COL28A1: variants seen among roughly 807,000 people sequenced by gnomAD.
COL28A1 encodes the protein collagen alpha-1(XXVIII) chain.
A neutral mutation model predicts 150.2 loss-of-function variants in COL28A1; 161 were observed. The observed-to-expected ratio is 1.07, with a 90% confidence interval of 0.94 to 1.22. The LOEUF (loss-of-function observed/expected upper bound fraction) is 1.22, where lower values mean the gene tolerates loss of function less well. COL28A1 is among the 50% of genes most tolerant of loss of function. The probability of loss-of-function intolerance (pLI) is 0.00; values close to 1 mark genes in which losing one functional copy is unlikely to be tolerated. For synonymous variants in COL28A1, 552 were observed against 469.7 expected (o/e 1.18, Z -2.26); for missense variants, 1,617 against 1,388.3 (o/e 1.16, Z -2.62).
At chr7:7,483,557 C>T (rs1034010361) in intron 13 of COL28A1, among the ~76,000 whole-genome samples, 3 of 152,084 alleles carry the variant, frequency 2.0e-5, no homozygotes, top group African/African-American at 4.8e-5. Context: ...ATCAAGGAAA[C>T]CCCTGGAGTA....
At chr7:7,446,918 G>T (rs1465952647) in intron 18 of COL28A1, among the ~76,000 whole-genome samples, 1 of 152,158 alleles carries the variant, frequency 6.6e-6, no homozygotes, top group Non-Finnish European at 1.5e-5. Context: ...TCCATCTTGA[G>T]TATTCAGCTG....
At chr7:7,341,437 C>A in the COL28A1 span, among the ~76,000 whole-genome samples, 1 of 151,934 alleles carries the variant, frequency 6.6e-6, no homozygotes, top group African/African-American at 2.4e-5. Context: ...CAAGGTCTTG[C>A]TCTGTTGCCC....
intron 18 of COL28A1, among the ~76,000 whole-genome samples, chr7:7,449,956 T>G (rs1360415297): frequency 6.6e-6 from 1 of 152,092 alleles, no homozygotes; most frequent in South Asian, 2.1e-4. Flanking sequence ...CCCTAAAACA[T>G]GTATCTTAGA....
intron 27 of COL28A1, among the ~76,000 whole-genome samples, chr7:7,404,760 T>C (rs1783402941): frequency 6.6e-6 from 1 of 152,204 alleles, no homozygotes. Flanking sequence ...ATTTATTATA[T>C]TTATTGCTAA....
At chr7:7,506,910 G>T (rs1045450822) in intron 10 of COL28A1, among the ~76,000 whole-genome samples, 1 of 152,162 alleles carries the variant, frequency 6.6e-6, no homozygotes, top group Non-Finnish European at 1.5e-5. Flanking sequence ...GGGAGTCTTA[G>T]TTAAGTTAAT....
rs561061103 is a variant in COL28A1, at chr7:7,492,000, T to C, written c.1027-1354A>G. 3.9e-5 allele frequency among the ~76,000 whole-genome samples: 6 copies of C among 152,272 alleles called. No individual in the cohort carries two copies. In the East Asian group the frequency reaches 9.7e-4, roughly 25 times the overall value. On this transcript the variant is annotated intron_variant, in intron 11 of 34. Coordinates refer to ENST00000399429, the MANE Select transcript of COL28A1 (RefSeq NM_001037763.3). ...TTTACATTCACACGTGTACCTTTAA[T>C]TTATGCTAAGGAAGATTGCTGAACA... is the stretch of plus-strand genomic sequence containing the variant.
chr7:7,426,097 G>A (rs1427245066), intron 25 of COL28A1, among the ~76,000 whole-genome samples: 1 of 151,986 alleles, frequency 6.6e-6, no homozygotes, highest in Non-Finnish European at 1.5e-5. Context: ...TCTACTTTGG[G>A]GACAATAAAA....
chr7:7,542,413 T>C, the COL28A1 span, among the ~76,000 whole-genome samples: 4 of 152,258 alleles, frequency 2.6e-5, no homozygotes, highest in East Asian at 7.7e-4. Flanking sequence ...AATATGTTCA[T>C]TGTAAATACA....
At chr7:7,511,581 T>C (rs1475109082) in intron 8 of COL28A1, 1 of 318,462 alleles carries the variant, frequency 3.1e-6, no homozygotes, top group African/African-American at 2.2e-5. Context: ...AGAATCAGAG[T>C]CTGAACCCAG....
downstream of COL28A1, among the ~76,000 whole-genome samples, chr7:7,352,432 G>A (rs768786768): frequency 2.6e-4 from 40 of 152,222 alleles, no homozygotes; most frequent in Non-Finnish European, 4.6e-4. Flanking sequence ...TAAACTGAAG[G>A]ACTTTGAGGT....
At chr7:7,434,410 A>C (rs1785197820) in intron 23 of COL28A1, among the ~76,000 whole-genome samples, 1 of 152,216 alleles carries the variant, frequency 6.6e-6, no homozygotes, top group South Asian at 2.1e-4. Flanking sequence ...AACTTGTCCC[A>C]AAATAAGTTT....
Position 7,489,416 on chromosome 7 carries a change from G to T in COL28A1, c.1137C>A (p.Pro379=). 1 of 1,464,696 alleles carries T rather than the reference G, an allele frequency of 6.8e-7. No individual in the cohort carries two copies. The highest frequency in any genetic ancestry group is 9.6e-7 in the Non-Finnish European group (1 of 1,043,550). The allele number at this position is 1,464,696 out of a possible 1,614,324, so 90.7% of individuals were successfully genotyped here. ...GQEGRPGAPG[P]IGVGEPGQPG... is the part of the protein sequence containing the mutation. ...GCTGTCCAGGCTCACCAACTCCAAT[G>T]GGTCCTGGAGCTCCCGGTCTTCCTT... Residue 379 remains proline (P), a synonymous_variant, in exon 13 of 35, where the codon CCC becomes CCA. Transcript: ENST00000399429.
intron 25 of COL28A1, among the ~76,000 whole-genome samples, chr7:7,423,136 A>G (rs1264556954): frequency 6.6e-6 from 1 of 152,210 alleles, no homozygotes; most frequent in Non-Finnish European, 1.5e-5. Flanking sequence ...TTTTAAAAAG[A>G]GTTCTTACAT....
intron 15 of COL28A1, among the ~76,000 whole-genome samples, chr7:7,464,401 A>G (rs936215518): frequency 2.0e-5 from 3 of 152,238 alleles, no homozygotes; most frequent in Non-Finnish European, 2.9e-5. Flanking sequence ...AAGATAAAAC[A>G]TATCACAGGC....
At chr7:7,529,828 G>C (rs537049959) in intron 3 of COL28A1, among the ~76,000 whole-genome samples, 13 of 152,186 alleles carry the variant, frequency 8.5e-5, no homozygotes, top group Non-Finnish European at 1.8e-4. Flanking sequence ...TCAGTGGTGA[G>C]GACCCCTTAA....
At chr7:7,415,303 G>A (rs2128305905) in intron 27 of COL28A1, among the ~76,000 whole-genome samples, 1 of 152,330 alleles carries the variant, frequency 6.6e-6, no homozygotes, top group South Asian at 2.1e-4. Flanking sequence ...ACAAATGAAT[G>A]TAAGAAATGA....
In COL28A1 at chr7:7,524,258, G is replaced by A; in HGVS notation, c.682-9C>T. On this transcript the variant is annotated splice_polypyrimidine_tract_variant and intron_variant, in intron 3 of 34. Coordinates refer to ENST00000399429, the MANE Select transcript of COL28A1 (RefSeq NM_001037763.3). Reference sequence around the variant, plus strand: ...TTTTCAAATAAGATATCCTACAAGGGAAAAAAGAATGAAGCATTAACTCGA... The same window carrying A: ...TTTTCAAATAAGATATCCTACAAGGAAAAAAAGAATGAAGCATTAACTCGA... 3.0e-6 allele frequency: 4 copies of A among 1,340,154 alleles called. No individual in the cohort carries two copies. Among genetic ancestry groups the A allele is most frequent in the Non-Finnish European group, 4.3e-6 (4 of 931,028 alleles). The allele number at this position is 1,340,154 out of a possible 1,614,324, so 83.0% of individuals were successfully genotyped here.
At chr7:7,477,268 A>C in intron 13 of COL28A1, 88 bp from the exon 14 acceptor site, 1 of 766,692 alleles carries the variant, frequency 1.3e-6, no homozygotes, top group South Asian at 1.5e-5. Context: ...AAGAAAGAGA[A>C]TGGTTATATT....
intron 31 of COL28A1, among the ~76,000 whole-genome samples, chr7:7,374,038 A>AAAAATATATATATAT: frequency 4.4e-5 from 5 of 113,626 alleles, no homozygotes; most frequent in African/African-American, 1.9e-4. Context: ...AAAAAAAAAA[A>AAAAATATATATATAT]ATATATATAT....
Sources: allele counts gnomAD v4.1 joint callset (sites outside exome capture counted in the v4.1 genomes callset), GRCh38; gene constraint gnomAD v4.1.1; transcripts MANE v1.5; gene names NCBI Gene and HGNC (gene_info 2026-07-23, HGNC 2026-07-21).